ERBB4: variants seen among roughly 807,000 people sequenced by gnomAD.
ERBB4 encodes receptor tyrosine-protein kinase erbB-4.
A neutral mutation model predicts 158.0 loss-of-function variants in ERBB4; 42 were observed. That is an observed-to-expected ratio of 0.27 (90% CI 0.21 to 0.34). The LOEUF (loss-of-function observed/expected upper bound fraction) is 0.34, where lower values mean the gene tolerates loss of function less well. Ranked by LOEUF, ERBB4 falls within the 10% of genes least tolerant of loss-of-function variation. ERBB4 has a pLI of 1.00. For synonymous variants in ERBB4, 583 were observed against 558.7 expected, an observed-to-expected ratio of 1.04 and a Z score of -0.61; for missense variants, 1,333 against 1,624.1, an observed-to-expected ratio of 0.82 and a Z score of 3.08.
intron 2 of ERBB4, among the ~76,000 whole-genome samples, chr2:211,982,456 A>C (rs761154301): frequency 6.6e-6 from 1 of 152,214 alleles, no homozygotes; most frequent in Non-Finnish European, 1.5e-5. Context: ...TCTGAGAACA[A>C]GGAGAGAAAA....
In ERBB4 at chr2:212,242,624, C is replaced by T. The variant is rs368017717; in HGVS notation, c.83-117721G>A. Among the ~76,000 whole-genome samples the T allele has an allele frequency of 1.1e-4, 17 of 151,874 alleles. 1 individual carries two copies. Among genetic ancestry groups the T allele is most frequent in the African/African-American group, 3.9e-4 (16 of 41,420 alleles). ...GATAAGTTTTGTCAATTTAAAATAACACAGAGATAATCCTTATTCAGTTAT... is the reference window on the plus strand; with the variant it reads ...GATAAGTTTTGTCAATTTAAAATAATACAGAGATAATCCTTATTCAGTTAT... On this transcript the variant is annotated intron_variant, in intron 1 of 27. Coordinates refer to ENST00000342788, the MANE Select transcript of ERBB4 (RefSeq NM_005235.3).
chr2:211,637,072 A>G (rs1426718699), intron 16 of ERBB4, among the ~76,000 whole-genome samples: 2 of 151,986 alleles, frequency 1.3e-5, no homozygotes, highest in African/African-American at 4.8e-5. Context: ...CTATAAAGTT[A>G]TATTTCATTT....
At chr2:211,897,817 G>A (rs767620328) in intron 3 of ERBB4, among the ~76,000 whole-genome samples, 4 of 151,928 alleles carry the variant, frequency 2.6e-5, no homozygotes, top group Non-Finnish European at 2.9e-5. Flanking sequence ...AATCATAGCT[G>A]ACTGTAACCT....
At chr2:211,459,979 A>C (rs1033190158) in intron 20 of ERBB4, among the ~76,000 whole-genome samples, 1 of 152,134 alleles carries the variant, frequency 6.6e-6, no homozygotes, top group African/African-American at 2.4e-5. Context: ...AAAAAATTTA[A>C]TTAGGGCCAT....
intron 1 of ERBB4, among the ~76,000 whole-genome samples, chr2:212,269,653 TG>T (rs1473627630): frequency 5.3e-5 from 8 of 151,956 alleles, no homozygotes; most frequent in African/African-American, 1.7e-4. Context: ...TACAAGTTTT[TG>T]TGTCTAAAGT....
chr2:211,623,236 A>G (rs1176872819), intron 18 of ERBB4, among the ~76,000 whole-genome samples: 1 of 151,388 alleles, frequency 6.6e-6, no homozygotes, highest in Admixed American at 6.6e-5. Flanking sequence ...CCATCATTTG[A>G]GCTTTTCCTT....
intron 5 of ERBB4, among the ~76,000 whole-genome samples, chr2:211,747,680 A>C (rs747577207): frequency 3.3e-5 from 5 of 152,172 alleles, no homozygotes; most frequent in Non-Finnish European, 5.9e-5. Flanking sequence ...GGAAAATTTC[A>C]ATCAAAGTTA....
chr2:212,427,354 A>G (rs1315872819), intron 1 of ERBB4, among the ~76,000 whole-genome samples: 1 of 152,136 alleles, frequency 6.6e-6, no homozygotes, highest in African/African-American at 2.4e-5. Context: ...TGGTACTTGG[A>G]CTTAAGAAAA....
chr2:212,204,708 A>T (rs544530814), intron 1 of ERBB4, among the ~76,000 whole-genome samples: 1 of 138,514 alleles, frequency 7.2e-6, no homozygotes, highest in Non-Finnish European at 1.6e-5. Flanking sequence ...CACAAAAAAA[A>T]CAAAAAAAAA....
intron 20 of ERBB4, among the ~76,000 whole-genome samples, chr2:211,478,426 T>C (rs566791438): frequency 6.6e-6 from 1 of 152,302 alleles, no homozygotes; most frequent in Non-Finnish European, 1.5e-5. Context: ...TAAAATCGTG[T>C]GTGTTCAAAA....
At chr2:212,446,970 A>C (rs1396201395) in intron 1 of ERBB4, among the ~76,000 whole-genome samples, 1 of 151,150 alleles carries the variant, frequency 6.6e-6, no homozygotes, top group African/African-American at 2.4e-5. Context: ...GGAAAGAAAA[A>C]AATACTAATT....
At chr2:211,396,671 C>T (rs558581215) in intron 25 of ERBB4, among the ~76,000 whole-genome samples, 3 of 152,166 alleles carry the variant, frequency 2.0e-5, no homozygotes, top group East Asian at 1.9e-4. Context: ...TATTTTGGCA[C>T]GTAGATTTTA....
At chr2:212,526,945 T>C (rs1462979832) in intron 1 of ERBB4, among the ~76,000 whole-genome samples, 2 of 152,082 alleles carry the variant, frequency 1.3e-5, no homozygotes, top group African/African-American at 4.8e-5. Flanking sequence ...TTTCTTATTT[T>C]AAAGAATGGT....
At chr2:211,529,408 G>A (rs2066436114) in intron 20 of ERBB4, among the ~76,000 whole-genome samples, 1 of 151,962 alleles carries the variant, frequency 6.6e-6, no homozygotes, top group Non-Finnish European at 1.5e-5. Context: ...CTTCACTGCT[G>A]AACTCTACCA....
chr2:211,497,908 A>T (rs2065512837), intron 20 of ERBB4, among the ~76,000 whole-genome samples: 1 of 152,146 alleles, frequency 6.6e-6, no homozygotes, highest in South Asian at 2.1e-4. Context: ...AGACAAGAGG[A>T]AACTTCAAAA....
At chr2:212,458,587 A>G (rs1334854221) in intron 1 of ERBB4, among the ~76,000 whole-genome samples, 2 of 152,032 alleles carry the variant, frequency 1.3e-5, no homozygotes, top group Non-Finnish European at 2.9e-5. Context: ...TGGGCAGTGA[A>G]AGTTTTAGGT....
At chr2:211,871,335 A>G (rs549686891) in intron 3 of ERBB4, among the ~76,000 whole-genome samples, 1 of 152,288 alleles carries the variant, frequency 6.6e-6, no homozygotes, top group Non-Finnish European at 1.5e-5. Context: ...CTATTTCTAA[A>G]ATAAATAAAT....
intron 20 of ERBB4, among the ~76,000 whole-genome samples, chr2:211,557,018 T>A (rs2067253209): frequency 6.6e-6 from 1 of 152,142 alleles, no homozygotes; most frequent in Non-Finnish European, 1.5e-5. Flanking sequence ...GGGAAAAGAT[T>A]TCCTATTTAA....
chr2:212,312,909 TAA>T (rs2087111752), intron 1 of ERBB4, among the ~76,000 whole-genome samples: 1 of 150,938 alleles, frequency 6.6e-6, no homozygotes, highest in African/African-American at 2.4e-5. Flanking sequence ...AGTATATTTT[TAA>T]AAGTTACTAT....
Sources: gnomAD v4.1 joint callset for allele counts (sites outside exome capture counted in the v4.1 genomes callset) on GRCh38, gnomAD v4.1.1 for gene constraint, MANE v1.5 for transcripts, NCBI Gene and HGNC (gene_info 2026-07-23, HGNC 2026-07-21) for gene names.